The following SMARCA4 variants were observed in gnomAD, a reference collection of about 807,000 sequenced individuals.
The protein encoded by SMARCA4 is SWI/SNF-related matrix-associated actin-dependent regulator of chromatin subfamily A member 4.
A neutral mutation model predicts 193.9 loss-of-function variants in SMARCA4; 31 were observed. The observed-to-expected ratio is 0.16, with a 90% confidence interval of 0.12 to 0.22. SMARCA4 has a LOEUF of 0.22. Ranked by LOEUF, SMARCA4 falls within the 10% of genes least tolerant of loss-of-function variation. The probability of loss-of-function intolerance (pLI) is 1.00; values close to 1 mark genes in which losing one functional copy is unlikely to be tolerated. For synonymous variants in SMARCA4, 942 were observed against 933.1 expected (o/e 1.01, Z -0.17); for missense variants, 1,148 against 2,296.0 (o/e 0.50, Z 10.22).
chr19:11,036,848 T>C (rs1282610537), intron 29 of SMARCA4, among the ~76,000 whole-genome samples: 2 of 152,198 alleles, frequency 1.3e-5, no homozygotes, highest in African/African-American at 2.4e-5. Flanking sequence ...TTTCTGTCCA[T>C]ATAGTTTTAC....
rs772645133 is a variant in SMARCA4 at position 11,039,537 on chromosome 19, G to A, written c.4171-1770G>A. On this transcript the variant is annotated intron_variant, in intron 29 of 34. Transcript: ENST00000344626. ...CAATTCCAGCGTGGCCTTCAGTTCTGCACACGTGCGTCAAAGGTGGGGAGA... is the reference window on the plus strand; with the variant it reads ...CAATTCCAGCGTGGCCTTCAGTTCTACACACGTGCGTCAAAGGTGGGGAGA... 16 of 1,599,692 alleles carry A rather than the reference G, an allele frequency of 1.0e-5. No individual in the cohort carries two copies. The highest frequency in any genetic ancestry group is 1.3e-5 in the Non-Finnish European group (15 of 1,173,920).
Position 11,014,195 on chromosome 19 carries a change from C to A in SMARCA4, c.2438+1083C>A, listed in dbSNP as rs79570103. 2.0e-5 allele frequency among the ~76,000 whole-genome samples: 3 copies of A among 152,328 alleles called. No individual in the cohort carries two copies. In the East Asian group the frequency reaches 5.8e-4, roughly 29 times the overall value. On this transcript the variant is annotated intron_variant, in intron 16 of 34. Coordinates refer to ENST00000344626, the MANE Select transcript of SMARCA4 (RefSeq NM_003072.5). ...CCACGAGTCAGCAGCGGACCCCCAA[C>A]TCCTGGCAGGCTGGGGAGCGGCATG...
chr19:10,979,673 T>C (rs1028242877), intron 1 of SMARCA4, among the ~76,000 whole-genome samples: 1 of 150,462 alleles, frequency 6.6e-6, no homozygotes, highest in Admixed American at 6.7e-5. Flanking sequence ...AACATTATAT[T>C]ATTTATATGT....
intron 1 of SMARCA4, among the ~76,000 whole-genome samples, chr19:10,965,477 T>G (rs929449459): frequency 2.6e-5 from 4 of 152,400 alleles, no homozygotes; most frequent in African/African-American, 9.6e-5. Context: ...TCATAAGTTC[T>G]GTATGTTTCA....
Position 11,061,847 on chromosome 19 carries a change from C to T in SMARCA4, c.*31C>T. The T allele has an allele frequency of 6.2e-7, 1 of 1,611,494 alleles. No homozygotes were observed. Among genetic ancestry groups the T allele is most frequent in the South Asian group, 1.1e-5 (1 of 91,038 alleles). On this transcript the variant is annotated 3_prime_UTR_variant, in exon 35 of 35. Transcript: ENST00000344626. ...GACATTCCAGTCTCGACCCCGAGCCCCTCGTTCCAGAGCTGAGATGGCATA... is the reference window on the plus strand; with the variant it reads ...GACATTCCAGTCTCGACCCCGAGCCTCTCGTTCCAGAGCTGAGATGGCATA...
chr19:11,023,928 G>C (rs1308871384), intron 20 of SMARCA4, among the ~76,000 whole-genome samples: 1 of 152,236 alleles, frequency 6.6e-6, no homozygotes, highest in East Asian at 1.9e-4. Flanking sequence ...CCGTGGGCTT[G>C]GGGTTGCCCC....
chr19:10,979,587 G>T (rs1409161172), intron 1 of SMARCA4, among the ~76,000 whole-genome samples: 2 of 151,140 alleles, frequency 1.3e-5, no homozygotes, highest in Admixed American at 6.6e-5. Context: ...GGCTGGTCTT[G>T]AATTCCTGGA....
chr19:10,966,670 G>A (rs111380365), intron 1 of SMARCA4, among the ~76,000 whole-genome samples: 36,118 of 151,582 alleles, frequency 0.24, 4,310 homozygotes, highest in South Asian at 0.31. Context: ...CGGATCGCCT[G>A]AGCTCAGGAG....
chr19:11,025,894 T>A, intron 22 of SMARCA4, among the ~76,000 whole-genome samples: 1 of 152,108 alleles, frequency 6.6e-6, no homozygotes, highest in Non-Finnish European at 1.5e-5. Context: ...CCCTTTTTGG[T>A]CATGGTGGCT....
intron 32 of SMARCA4, chr19:11,059,109 TA>T (rs764123776): frequency 0.12 from 44,662 of 362,102 alleles, 13 homozygotes; most frequent in South Asian, 0.17. Flanking sequence ...ACCCTGTCTT[TA>T]AAAAAAAAAA....
In SMARCA4 at chr19:10,996,358, A is replaced by C; in HGVS notation, c.1739A>C (p.Lys580Thr). The C allele has an allele frequency of 6.2e-7, 1 of 1,614,246 alleles. No homozygotes were observed. Among genetic ancestry groups the C allele is most frequent in the Non-Finnish European group, 8.5e-7 (1 of 1,180,044 alleles). The change falls in exon 10 of 35, where the codon AAA becomes ACA. Residue 580 changes from lysine to threonine, a missense_variant. By Grantham distance (78) the Lys-to-Thr change is moderately conservative. Coordinates refer to ENST00000344626, the MANE Select transcript of SMARCA4 (RefSeq NM_003072.5). Reference protein sequence around the residue: ...QHKAAQVAKEKKKKKKKKKAE... With the variant: ...QHKAAQVAKETKKKKKKKKAE... ...AAGGCTGCCCAGGTCGCCAAGGAGA[A>C]AAAGAAGAAAAAGAAAAAGAAGGTG...
Position 10,984,161 on chromosome 19 carries a change from C to T in SMARCA4, c.10C>T (p.Pro4Ser), listed in dbSNP as rs2085801503. Residue 4 changes from proline (P) to serine (S), a missense_variant, in exon 2 of 35, where the codon CCA becomes TCA. Transcript: ENST00000344626. The surrounding 1 kb of genome is among the most constrained non-coding windows in gnomAD (Gnocchi z 4.3). MST[P>S]DPPLGGTPRP... ...TGCAGCTCCCGTGAAGATGTCCACT[C>T]CAGACCCACCCCTGGGCGGAACTCC... 2 of 1,613,682 alleles carry T rather than the reference C, an allele frequency of 1.2e-6. No homozygotes were observed. The highest frequency in any genetic ancestry group is 8.5e-7 in the Non-Finnish European group (1 of 1,179,938).
At chr19:11,052,082 G>A (rs1473060616) in intron 30 of SMARCA4, among the ~76,000 whole-genome samples, 1 of 152,080 alleles carries the variant, frequency 6.6e-6, no homozygotes, top group Non-Finnish European at 1.5e-5. Flanking sequence ...GCAACAGAGC[G>A]AGACTCCGTC....
At chr19:11,057,616 C>G (rs533418047) in intron 30 of SMARCA4, among the ~76,000 whole-genome samples, 1 of 152,160 alleles carries the variant, frequency 6.6e-6, no homozygotes, top group South Asian at 2.1e-4. Flanking sequence ...GTAATCCCAG[C>G]TACTCGGGAG....
At chr19:11,036,781 T>C (rs1269515979) in intron 29 of SMARCA4, among the ~76,000 whole-genome samples, 1 of 152,142 alleles carries the variant, frequency 6.6e-6, no homozygotes, top group Non-Finnish European at 1.5e-5. Flanking sequence ...CCTGCCCCGA[T>C]TTGCCATTCC....
At chr19:11,045,943 T>G (rs1448068120) in intron 30 of SMARCA4, among the ~76,000 whole-genome samples, 1 of 149,130 alleles carries the variant, frequency 6.7e-6, no homozygotes, top group Non-Finnish European at 1.5e-5. Context: ...AAAAAAAAAG[T>G]CTGGGTGTGG....
chr19:11,046,081 G>C (rs1361478383), intron 30 of SMARCA4, among the ~76,000 whole-genome samples: 1 of 152,172 alleles, frequency 6.6e-6, no homozygotes, highest in African/African-American at 2.4e-5. Flanking sequence ...AAATTAGCCA[G>C]GCGTGGTGGC....
intron 14 of SMARCA4, 74 bp from the exon 15 acceptor site, chr19:11,010,307 C>CT: frequency 6.5e-7 from 1 of 1,532,014 alleles, no homozygotes. Flanking sequence ...CTCCGCAGAG[C>CT]TTGTGTCAGG....
At chr19:11,061,206 TATATA>T (rs2076869372) in intron 34 of SMARCA4, among the ~76,000 whole-genome samples, 1 of 38,950 alleles carries the variant, frequency 2.6e-5, no homozygotes, top group South Asian at 8.0e-4. Flanking sequence ...AAAAAAAAAA[TATATA>T]TATATATATA....
Sources: gnomAD v4.1 joint callset for allele counts (sites outside exome capture counted in the v4.1 genomes callset) on GRCh38, gnomAD v4.1.1 for gene constraint, Gnocchi (gnomAD v3.1) non-coding constraint, MANE v1.5 for transcripts, NCBI Gene and HGNC (gene_info 2026-07-23, HGNC 2026-07-21) for gene names.